Variants in PM20D1 observed in about 807,000 individuals in gnomAD.
PM20D1 encodes the protein peptidase M20 domain containing 1.
PM20D1 carries 53 observed loss-of-function variants against 53.8 expected under a neutral mutation model. That is an observed-to-expected ratio of 0.98 (90% CI 0.79 to 1.24). The LOEUF (loss-of-function observed/expected upper bound fraction) is 1.24, where lower values mean the gene tolerates loss of function less well. Among genes scored for constraint, PM20D1 ranks in the 50% most tolerant of loss-of-function variants. PM20D1 has a pLI of 0.00. For synonymous variants in PM20D1, 239 were observed against 241.3 expected, an observed-to-expected ratio of 0.99 and a Z score of 0.09; for missense variants, 564 against 616.8, an observed-to-expected ratio of 0.91 and a Z score of 0.91.
chr1:205,844,959 A>T lies in PM20D1; in HGVS notation c.490-62T>A. 2.1e-6 allele frequency: 3 copies of T among 1,417,246 alleles called. No individual in the cohort carries two copies. The South Asian group carries it at 3.5e-5, about 17-fold the overall frequency. The allele number at this position is 1,417,246 out of a possible 1,614,324, so 87.8% of individuals were successfully genotyped here. On this transcript the variant is annotated intron_variant, in intron 3 of 12. Coordinates refer to ENST00000367136, the MANE Select transcript of PM20D1 (RefSeq NM_152491.5). ...GTTATTTAGGTGGGAATACCAGGGT[A>T]TCAGAGACATTCAGTTGCCTGTTAT... is the stretch of plus-strand genomic sequence containing the variant.
At chr1:205,843,057 T>C (rs1656853382) in intron 6 of PM20D1, among the ~76,000 whole-genome samples, 1 of 152,180 alleles carries the variant, frequency 6.6e-6, no homozygotes, top group African/African-American at 2.4e-5. Context: ...CCTGACAATT[T>C]GAATGAATAT....
At chr1:205,835,651 C>CAAA (rs59126866) in intron 10 of PM20D1, among the ~76,000 whole-genome samples, 728 of 55,544 alleles carry the variant, frequency 0.013, 31 homozygotes, top group Middle Eastern at 0.033. Flanking sequence ...GACTCCGACT[C>CAAA]AAAAAAAAAA....
In PM20D1 at chr1:205,833,282, T is replaced by C. The variant is rs535915486; in HGVS notation, c.1117-516A>G. Among the ~76,000 whole-genome samples the C allele has an allele frequency of 2.6e-5, 4 of 152,324 alleles. No individual in the cohort carries two copies. In the South Asian group the frequency reaches 8.3e-4, roughly 32 times the overall value. ...TCAGGAAGTTATGTATCTTTCCCCT[T>C]GGGTGGTGAGCCACAGGCTGGATGA... On this transcript the variant is annotated intron_variant, in intron 10 of 12. Transcript: ENST00000367136.
rs16856411 is a variant in PM20D1 at position 205,840,739 on chromosome 1, T to C, written c.1045-416A>G. Among the ~76,000 whole-genome samples, 208 of 152,348 alleles carry C rather than the reference T, an allele frequency of 1.4e-3. 1 individual carries two copies. The highest frequency in any genetic ancestry group is 5.0e-3 in the South Asian group (24 of 4,828). ...CACGATGGGGCAGCCAGAGCCTCTG[T>C]TGACCCCCATCATGGCATAGCACGG... On this transcript the variant is annotated intron_variant, in intron 9 of 12. Transcript: ENST00000367136.
chr1:205,850,052 G>T lies in PM20D1; in HGVS notation c.21C>A (p.Cys7Ter). The change falls in exon 1 of 13, where the codon TGC becomes TGA. Residue 7 changes from cysteine to a stop codon, truncating the protein, a stop_gained. Transcript: ENST00000367136. LOFTEE classifies it high-confidence loss of function. ...GCAGCATAGCCACCAGGGCCAGCAC[G>T]CAAACGCACCGCTGAGCCATGCTTC... MAQRCV[C>*]VLALVAMLLL... 6.2e-7 allele frequency: 1 copy of T among 1,613,796 alleles called. No individual in the cohort carries two copies. The highest frequency in any genetic ancestry group is 8.5e-7 in the Non-Finnish European group (1 of 1,179,762).
intron 10 of PM20D1, among the ~76,000 whole-genome samples, chr1:205,835,651 C>CAAAAAAAAAAAAAAAAA (rs59126866): frequency 1.8e-5 from 1 of 55,558 alleles, no homozygotes. Flanking sequence ...GACTCCGACT[C>CAAAAAAAAAAAAAAAAA]AAAAAAAAAA....
At chr1:205,831,969 A>G (rs1251797666) in intron 11 of PM20D1, among the ~76,000 whole-genome samples, 1 of 152,182 alleles carries the variant, frequency 6.6e-6, no homozygotes, top group African/African-American at 2.4e-5. Context: ...GAAAAAGGCA[A>G]ATTCCAGGGT....
chr1:205,848,996 A>G (rs1402873952), intron 1 of PM20D1, among the ~76,000 whole-genome samples: 1 of 152,166 alleles, frequency 6.6e-6, no homozygotes, highest in Non-Finnish European at 1.5e-5. Context: ...TGGCTGTCTA[A>G]TGCCTTTTAG....
At chr1:205,841,928 C>A (rs903396391) in intron 8 of PM20D1, 39 bp from the exon 9 acceptor site, 2 of 1,525,552 alleles carry the variant, frequency 1.3e-6, no homozygotes, top group East Asian at 4.9e-5. Context: ...TAGAAAGAAC[C>A]AATGGGGTGA....
chr1:205,849,835 T>G, intron 1 of PM20D1, 69 bp downstream of exon 1: 1 of 1,511,768 alleles, frequency 6.6e-7, no homozygotes, highest in Non-Finnish European at 8.9e-7. Context: ...AAGCGGGGAG[T>G]CACGGGTTGA....
intron 2 of PM20D1, among the ~76,000 whole-genome samples, chr1:205,846,111 G>T (rs1025015976): frequency 6.6e-6 from 1 of 151,216 alleles, no homozygotes; most frequent in African/African-American, 2.4e-5. Context: ...ACTCGGCCAG[G>T]CGTGGTGGCT....
chr1:205,845,133 ACCATTCAATC>A (rs1402792925), intron 3 of PM20D1, among the ~76,000 whole-genome samples, 182 bp downstream of exon 3: 1 of 152,146 alleles, frequency 6.6e-6, no homozygotes, highest in Non-Finnish European at 1.5e-5. Context: ...GTCCCTGGGG[ACCATTCAATC>A]CCATTTACAG....
At chr1:205,846,992 T>C (rs533539994) in intron 2 of PM20D1, among the ~76,000 whole-genome samples, 1 of 141,570 alleles carries the variant, frequency 7.1e-6, no homozygotes, top group African/African-American at 2.6e-5. Flanking sequence ...TTTTGTTTTT[T>C]CCTTCCTTCC....
rs371652298 is a variant in PM20D1 at position 205,840,319 on chromosome 1, T to C, written c.1049A>G (p.Asn350Ser). 11 of 1,613,458 alleles carry C rather than the reference T, an allele frequency of 6.8e-6. No homozygotes were observed. The highest frequency in any genetic ancestry group is 1.3e-5 in the African/African-American group (1 of 74,918). ...GGCCTGGGCCACTGGGGGGATGACATTGAACTAGAGAGAGAAGCACAAAAC... is the reference window on the plus strand; with the variant it reads ...GGCCTGGGCCACTGGGGGGATGACACTGAACTAGAGAGAGAAGCACAAAAC... The part of the protein sequence containing the change: ...LTIFKAGVKF[N>S]VIPPVAQATV... Residue 350 changes from asparagine to serine, a missense_variant, in exon 10 of 13, where the codon AAT becomes AGT. Asn to Ser is a conservative substitution (Grantham distance 46, BLOSUM62 1). Coordinates refer to ENST00000367136, the MANE Select transcript of PM20D1 (RefSeq NM_152491.5).
intron 2 of PM20D1, among the ~76,000 whole-genome samples, chr1:205,847,064 C>T (rs1392485767): frequency 4.6e-5 from 6 of 129,688 alleles, no homozygotes; most frequent in Non-Finnish European, 9.5e-5. Flanking sequence ...CTCACTTACA[C>T]TCGAGCACAG....
intron 2 of PM20D1, among the ~76,000 whole-genome samples, chr1:205,846,815 AC>A (rs1319336900): frequency 6.6e-6 from 1 of 152,004 alleles, no homozygotes; most frequent in Non-Finnish European, 1.5e-5. Flanking sequence ...TTCTGTGGAT[AC>A]CCGAAAACCG....
In PM20D1 at chr1:205,828,716, TGAG is replaced by T. The variant is rs1449140455; in HGVS notation, c.1410_1412del (p.Ser471del). 3.7e-6 allele frequency: 6 copies of T among 1,613,958 alleles called. No individual in the cohort carries two copies. The South Asian group carries it at 5.5e-5, about 15-fold the overall frequency. ...TCACTTGGGTCTCATAGGCTTGGAC[TGAG>T]ATTTTCTCGTTGACTCCATGGATGC... On this transcript the variant is annotated inframe_deletion, in exon 13 of 13. Coordinates refer to ENST00000367136, the MANE Select transcript of PM20D1 (RefSeq NM_152491.5).
intron 6 of PM20D1, among the ~76,000 whole-genome samples, chr1:205,843,434 ATC>A (rs1164267872): frequency 6.6e-6 from 1 of 152,206 alleles, no homozygotes; most frequent in East Asian, 1.9e-4. Context: ...CCAGCCTGGT[ATC>A]TGTGAGCCAT....
chr1:205,832,361 T>A (rs1339018310), intron 11 of PM20D1, among the ~76,000 whole-genome samples: 45 of 152,310 alleles, frequency 3.0e-4, no homozygotes, highest in Non-Finnish European at 8.8e-5. Flanking sequence ...CCAGAGTGGC[T>A]GGCCTAGGTT....
Sources: allele counts gnomAD v4.1 joint callset (sites outside exome capture counted in the v4.1 genomes callset), GRCh38; gene constraint gnomAD v4.1.1; transcripts MANE v1.5; gene names NCBI Gene and HGNC (gene_info 2026-07-23, HGNC 2026-07-21).